Variants in PCLO observed in about 807,000 individuals in gnomAD.
PCLO encodes the protein protein piccolo.
PCLO carries 82 observed loss-of-function variants against 427.5 expected under a neutral mutation model. The observed-to-expected ratio is 0.19, with a 90% CI of 0.16 to 0.23. The LOEUF is 0.23. PCLO is among the 10% of genes least tolerant of loss of function. The pLI is 1.00. For synonymous variants in PCLO, 2,357 were observed against 2,155.4 expected (o/e 1.09, Z -2.59); for missense variants, 6,239 against 6,115.9 (o/e 1.02, Z -0.67).
chr7:82,977,723 T>C (rs1191862499), intron 3 of PCLO, among the ~76,000 whole-genome samples: 2 of 152,090 alleles, frequency 1.3e-5, no homozygotes, highest in African/African-American at 2.4e-5. Flanking sequence ...CCAAAATTCA[T>C]CTATTAAACA....
intron 3 of PCLO, among the ~76,000 whole-genome samples, chr7:83,011,711 C>T (rs1389177925): frequency 6.6e-6 from 1 of 151,944 alleles, no homozygotes; most frequent in Non-Finnish European, 1.5e-5. Context: ...ACAATTGTGA[C>T]TAAATTTCAT....
At chr7:82,785,339 G>A (rs62466908) in intron 22 of PCLO, among the ~76,000 whole-genome samples, 1,994 of 152,184 alleles carry the variant, frequency 0.013, 27 homozygotes, top group Middle Eastern at 0.031. Flanking sequence ...CTGACAGGAC[G>A]CAGAACTCAG....
At chr7:83,126,249 G>A (rs554426517) in intron 3 of PCLO, among the ~76,000 whole-genome samples, 1 of 152,306 alleles carries the variant, frequency 6.6e-6, no homozygotes, top group East Asian at 1.9e-4. Context: ...GTGGAGCAGG[G>A]CTGTGGGGAT....
At chr7:83,002,167 TA>T (rs1787839852) in intron 3 of PCLO, among the ~76,000 whole-genome samples, 1 of 152,020 alleles carries the variant, frequency 6.6e-6, no homozygotes, top group Non-Finnish European at 1.5e-5. Context: ...TCTGGATCTC[TA>T]ATTGGACATA....
chr7:82,865,069 A>G (rs1266145365), intron 10 of PCLO, among the ~76,000 whole-genome samples: 1 of 152,220 alleles, frequency 6.6e-6, no homozygotes, highest in Admixed American at 6.5e-5. Context: ...TCTTAAATAA[A>G]GAAGTATTAC....
chr7:82,790,530 A>C (rs1205771790), intron 22 of PCLO, among the ~76,000 whole-genome samples: 2 of 152,194 alleles, frequency 1.3e-5, no homozygotes, highest in African/African-American at 2.4e-5. Flanking sequence ...ACTATTTAAA[A>C]AAATATTCCT....
chr7:83,114,791 G>A (rs563354698), intron 3 of PCLO, among the ~76,000 whole-genome samples: 1 of 152,138 alleles, frequency 6.6e-6, no homozygotes, highest in East Asian at 1.9e-4. Flanking sequence ...AAGTAGCTTA[G>A]TGTCCTGATA....
In PCLO at chr7:83,076,662, T is replaced by C. The variant is rs567670579; in HGVS notation, c.3300+57588A>G. 1.8e-4 allele frequency among the ~76,000 whole-genome samples: 27 copies of C among 151,178 alleles called. No homozygotes were observed. In the South Asian group the frequency reaches 2.1e-3, roughly 12 times the overall value. ...TTTGCAGTTTTTTTTTATTATACTT[T>C]AAGTTTTAGGGTACATGTGCACAAT... On this transcript the variant is annotated intron_variant, in intron 3 of 24. Coordinates refer to ENST00000333891, the MANE Select transcript of PCLO (RefSeq NM_033026.6).
At chr7:82,928,989 G>A (rs979441272) in intron 6 of PCLO, among the ~76,000 whole-genome samples, 2 of 152,102 alleles carry the variant, frequency 1.3e-5, no homozygotes, top group East Asian at 3.9e-4. Flanking sequence ...AACTCTTTAC[G>A]GCTTGCTAAC....
At chr7:83,046,031 T>C (rs1324436864) in intron 3 of PCLO, among the ~76,000 whole-genome samples, 1 of 152,096 alleles carries the variant, frequency 6.6e-6, no homozygotes, top group Non-Finnish European at 1.5e-5. Context: ...GGCTTGTAGA[T>C]AGTCTACCTT....
At chr7:83,105,545 C>G (rs180979953) in intron 3 of PCLO, among the ~76,000 whole-genome samples, 1 of 152,162 alleles carries the variant, frequency 6.6e-6, no homozygotes, top group East Asian at 1.9e-4. Context: ...TCTTTCATGG[C>G]TGTGGTTCCC....
At chr7:83,016,563 G>C (rs1268461543) in intron 3 of PCLO, among the ~76,000 whole-genome samples, 1 of 151,184 alleles carries the variant, frequency 6.6e-6, no homozygotes, top group Non-Finnish European at 1.5e-5. Flanking sequence ...GGGGTTAGGA[G>C]AGAGATCTAC....
intron 8 of PCLO, among the ~76,000 whole-genome samples, chr7:82,906,953 T>C (rs1794207399): frequency 6.6e-6 from 1 of 151,974 alleles, no homozygotes; most frequent in Non-Finnish European, 1.5e-5. Flanking sequence ...AAATATGTTC[T>C]CTGCTTAATT....
chr7:83,115,054 C>T (rs1011109493), intron 3 of PCLO, among the ~76,000 whole-genome samples: 9 of 151,864 alleles, frequency 5.9e-5, no homozygotes, highest in African/African-American at 2.2e-4. Context: ...ATGAATTAAA[C>T]AAGAATGAGA....
chr7:82,955,558 G>T lies in PCLO; in HGVS notation c.5395C>A (p.Gln1799Lys). The part of the protein sequence containing the change: ...QEKQREIEQQ[Q>K]RKSSSKKSKK... ...GATTTTTTACTAGAACTCTTTCTTT[G>T]TTGCTGTTCTATTTCCCTCTGCTTT... The change falls in exon 5 of 25, where the codon CAA becomes AAA. Residue 1799 changes from glutamine to lysine, a missense_variant. Around this residue, in one of 5 missense-constraint regions of PCLO, gnomAD observed 4,677 missense variants for 4,468.4 expected, o/e 1.05. Transcript: ENST00000333891. The T allele has an allele frequency of 6.2e-7, 1 of 1,613,866 alleles. No individual in the cohort carries two copies. The highest frequency in any genetic ancestry group is 8.5e-7 in the Non-Finnish European group (1 of 1,179,844).
chr7:83,093,492 A>ATTTTTTTTTTTT (rs1169852004), intron 3 of PCLO, among the ~76,000 whole-genome samples: 1 of 59,338 alleles, frequency 1.7e-5, no homozygotes, highest in Non-Finnish European at 3.3e-5. Context: ...ATATATATAT[A>ATTTTTTTTTTTT]TTTTTTTTTT....
chr7:83,019,603 G>A (rs1023763721), intron 3 of PCLO, among the ~76,000 whole-genome samples: 1 of 151,936 alleles, frequency 6.6e-6, no homozygotes, highest in Non-Finnish European at 1.5e-5. Flanking sequence ...GGCACTCTCA[G>A]CTAAATCAGC....
In PCLO at chr7:83,134,391, G is replaced by A. The variant is rs1213439708; in HGVS notation, c.3159C>T (p.Pro1053=). 6.2e-7 allele frequency: 1 copy of A among 1,613,710 alleles called. No homozygotes were observed. Among genetic ancestry groups the A allele is most frequent in the Admixed American group, 1.7e-5 (1 of 59,966 alleles). The stretch of plus-strand genomic sequence containing the variant: ...AGAGAGGACAGGTTGATTCTGGTTT[G>A]GGCGATTTCTCCAGTTTTGTGGGAA... ...AVLPTKLEKS[P]KPESTCPLCK... is the part of the protein sequence containing the mutation. The change falls in exon 3 of 25, where the codon CCC becomes CCT. Residue 1053 remains proline (P), a synonymous_variant. Transcript: ENST00000333891.
chr7:82,893,528 A>T (rs4273794), intron 9 of PCLO, among the ~76,000 whole-genome samples: 5,060 of 152,072 alleles, frequency 0.033, 292 homozygotes, highest in African/African-American at 0.11. Context: ...CATATGTAAC[A>T]AACCTTCACG....
Sources: gnomAD v4.1 joint callset for allele counts (sites outside exome capture counted in the v4.1 genomes callset) on GRCh38, gnomAD v4.1.1 for gene constraint, gnomAD v4.1.1 regional missense constraint, MANE v1.5 for transcripts, NCBI Gene and HGNC (gene_info 2026-07-23, HGNC 2026-07-21) for gene names.